The following MAP3K15 variants were observed in gnomAD, a reference collection of about 807,000 sequenced individuals.
MAP3K15 encodes mitogen-activated protein kinase kinase kinase 15.
A neutral mutation model predicts 99.5 loss-of-function variants in MAP3K15; 124 were observed. That is an observed-to-expected ratio of 1.25 (90% confidence interval 1.08 to 1.45). The LOEUF is 1.45. MAP3K15 is among the 40% of genes most tolerant of loss of function. The pLI is 0.00. For missense variants in MAP3K15, 1,242 were observed against 1,079.7 expected, an observed-to-expected ratio of 1.15 and a Z score of -2.11; for synonymous variants, 494 against 439.6, an observed-to-expected ratio of 1.12 and a Z score of -1.55.
chrX:19,426,754 C>A (rs1158745214), intron 7 of MAP3K15, among the ~76,000 whole-genome samples: 1 of 98,157 alleles, frequency 1.0e-5, no homozygotes, highest in Non-Finnish European at 2.0e-5. Context: ...GGAGGTGGAA[C>A]CTGCAGTGAG....
In MAP3K15 at chrX:19,408,797, T is replaced by C. The variant is rs143756880; in HGVS notation, c.1748+1127A>G. ...ACACACTGGGTGGAGATGGACCAGA[T>C]AACATTTAAAGAAAGGCCTTTCTTG... On this transcript the variant is annotated intron_variant, in intron 12 of 28. Transcript: ENST00000338883. Among the ~76,000 whole-genome samples, 694 of 111,943 alleles carry C rather than the reference T, an allele frequency of 6.2e-3. 2 individuals carry two copies. Among genetic ancestry groups the C allele is most frequent in the African/African-American group, 0.021 (661 of 30,856 alleles).
At chrX:19,401,359 C>T (rs1302933989) in intron 13 of MAP3K15, among the ~76,000 whole-genome samples, 2 of 110,314 alleles carry the variant, frequency 1.8e-5, no homozygotes, top group Admixed American at 9.7e-5. Flanking sequence ...TCACCAAGCC[C>T]GGCTAATTTT....
intron 6 of MAP3K15, among the ~76,000 whole-genome samples, chrX:19,438,591 G>A (rs1419786681): frequency 1.8e-5 from 2 of 111,957 alleles, no homozygotes; most frequent in Non-Finnish European, 3.8e-5. Flanking sequence ...ATTGCCATGA[G>A]CTATGGGTGT....
chrX:19,419,015 C>A (rs943067120), intron 9 of MAP3K15, among the ~76,000 whole-genome samples: 1 of 111,800 alleles, frequency 8.9e-6, no homozygotes, highest in Non-Finnish European at 1.9e-5. Context: ...ACCAGGCCTG[C>A]CCTAAAAGAG....
intron 1 of MAP3K15, among the ~76,000 whole-genome samples, chrX:19,507,041 G>T (rs1249639649): frequency 8.9e-6 from 1 of 112,072 alleles, no homozygotes; most frequent in Non-Finnish European, 1.9e-5. Flanking sequence ...AAGATCACTT[G>T]TGCCTCAGAA....
At chrX:19,408,329 T>C (rs142323709) in intron 12 of MAP3K15, among the ~76,000 whole-genome samples, 2,178 of 111,988 alleles carry the variant, frequency 0.019, 64 homozygotes, top group African/African-American at 0.067. Flanking sequence ...CTACCTGCTC[T>C]AACACAACTT....
chrX:19,424,216 A>G (rs1038286225), intron 9 of MAP3K15, among the ~76,000 whole-genome samples: 1 of 104,656 alleles, frequency 9.6e-6, no homozygotes, highest in Non-Finnish European at 1.9e-5. Context: ...ACACATATAT[A>G]CACACATATA....
chrX:19,412,306 G>A (rs764145789), intron 11 of MAP3K15, among the ~76,000 whole-genome samples: 28 of 112,185 alleles, frequency 2.5e-4, no homozygotes, highest in Non-Finnish European at 5.3e-4. Context: ...GTTCAGGAGT[G>A]GGTAACTGTT....
intron 15 of MAP3K15, among the ~76,000 whole-genome samples, chrX:19,397,726 C>G (rs944104324): frequency 1.8e-5 from 2 of 112,076 alleles, no homozygotes; most frequent in Admixed American, 9.5e-5. Context: ...CTCTGCAATC[C>G]ACGTGCCTCT....
At chrX:19,407,346 A>G in intron 12 of MAP3K15, 63 bp from the exon 13 acceptor site, 2 of 612,037 alleles carry the variant, frequency 3.3e-6, no homozygotes, top group Admixed American at 7.8e-5. Flanking sequence ...AATCTGCAAG[A>G]CAATCTTTTC....
intron 1 of MAP3K15, among the ~76,000 whole-genome samples, chrX:19,510,015 G>T (rs1282074713): frequency 2.7e-5 from 3 of 111,505 alleles, no homozygotes; most frequent in Non-Finnish European, 5.7e-5. Flanking sequence ...TAAATTTCTG[G>T]ACACATACAC....
At chrX:19,467,444 A>G (rs2064176250) in intron 3 of MAP3K15, among the ~76,000 whole-genome samples, 1 of 110,957 alleles carries the variant, frequency 9.0e-6, no homozygotes, top group African/African-American at 3.3e-5. Context: ...CCCAGCCTAC[A>G]CCTGTAGGGT....
intron 10 of MAP3K15, 99 bp from the exon 11 acceptor site, chrX:19,413,563 A>C: frequency 8.3e-6 from 4 of 481,790 alleles, no homozygotes; most frequent in South Asian, 4.7e-5. Context: ...ATATATCCTC[A>C]CTGAGGGCCA....
chrX:19,426,557 G>A lies in MAP3K15; in HGVS notation c.1167-214C>T, dbSNP rs778033847. 3.6e-5 allele frequency among the ~76,000 whole-genome samples: 4 copies of A among 110,997 alleles called. No homozygotes were observed. The South Asian group carries it at 1.5e-3, about 42-fold the overall frequency. On this transcript the variant is annotated intron_variant, in intron 7 of 28. Coordinates refer to ENST00000338883, the MANE Select transcript of MAP3K15 (RefSeq NM_001001671.4). ...AGGCCAGGCACCGTGGCTCATGCCT[G>A]TAATCCCAGCACTTTGGGAGGCCGA...
At chrX:19,458,523 TA>T (rs1470382413) in intron 5 of MAP3K15, among the ~76,000 whole-genome samples, 1 of 110,374 alleles carries the variant, frequency 9.1e-6, no homozygotes, top group African/African-American at 3.3e-5. Context: ...TACTAAAAAT[TA>T]AAAAAGTTAG....
chrX:19,425,658 C>G lies in MAP3K15; in HGVS notation c.1312G>C (p.Gly438Arg). Residue 438 changes from glycine (G) to arginine (R), a missense_variant, in exon 9 of 29, where the codon GGG becomes CGG. Gly to Arg is a moderately radical substitution (Grantham distance 125, BLOSUM62 -2). Coordinates refer to ENST00000338883, the MANE Select transcript of MAP3K15 (RefSeq NM_001001671.4). ...VRLNSLLGRK[G>R]SLEKMNNYWD... ...TAATTGTTCATTTTCTCCAAGCTCC[C>G]TTTTCTTCCCAACAAACTGTTCAGC... 2 of 1,198,936 alleles carry G rather than the reference C, an allele frequency of 1.7e-6. No individual in the cohort carries two copies. The highest frequency in any genetic ancestry group is 3.5e-5 in the South Asian group (2 of 56,655).
At chrX:19,492,695 G>A (rs973466210) in intron 1 of MAP3K15, among the ~76,000 whole-genome samples, 3 of 111,808 alleles carry the variant, frequency 2.7e-5, no homozygotes, top group African/African-American at 9.7e-5. Context: ...GGCCGGGCGC[G>A]GTGGCTCACG....
At chrX:19,436,262 G>A (rs1234708761) in intron 6 of MAP3K15, among the ~76,000 whole-genome samples, 5 of 110,907 alleles carry the variant, frequency 4.5e-5, no homozygotes, top group East Asian at 5.7e-4. Context: ...GACTTTCTGC[G>A]TCAGTGGGTT....
At chrX:19,503,518 T>C (rs774264556) in intron 1 of MAP3K15, among the ~76,000 whole-genome samples, 14 of 111,932 alleles carry the variant, frequency 1.3e-4, no homozygotes, top group African/African-American at 4.5e-4. Context: ...CTCCACCTCC[T>C]GGGTTCAAGT....
Sources: allele counts gnomAD v4.1 joint callset (sites outside exome capture counted in the v4.1 genomes callset), GRCh38; gene constraint gnomAD v4.1.1; transcripts MANE v1.5; gene names NCBI Gene and HGNC (gene_info 2026-07-23, HGNC 2026-07-21).